The following BMPR1B variants were observed in gnomAD, a reference collection of about 807,000 sequenced individuals.
BMPR1B encodes the protein bone morphogenetic protein receptor type 1B.
BMPR1B carries 12 observed loss-of-function variants against 59.1 expected under a neutral mutation model. The observed-to-expected ratio is 0.20, with a 90% CI of 0.13 to 0.33. The LOEUF (loss-of-function observed/expected upper bound fraction) is 0.33, where lower values mean the gene tolerates loss of function less well. Ranked by LOEUF, BMPR1B falls within the 10% of genes least tolerant of loss-of-function variation. The pLI is 1.00. For synonymous variants in BMPR1B, 237 were observed against 207.3 expected, an observed-to-expected ratio of 1.14 and a Z score of -1.23; for missense variants, 550 against 610.9, an observed-to-expected ratio of 0.90 and a Z score of 1.05.
Position 95,127,812 on chromosome 4 carries a change from C to T in BMPR1B, c.586-2050C>T, listed in dbSNP as rs140723320. Reference sequence around the variant, plus strand: ...TCAGCAGTTCTTTTTTAATAAATTACGAAATTTATAATCTTCATTATAAAT... The same window carrying T: ...TCAGCAGTTCTTTTTTAATAAATTATGAAATTTATAATCTTCATTATAAAT... On this transcript the variant is annotated intron_variant, in intron 8 of 12. Coordinates refer to ENST00000515059, the MANE Select transcript of BMPR1B (RefSeq NM_001203.3). 6.4e-3 allele frequency among the ~76,000 whole-genome samples: 969 copies of T among 151,684 alleles called. 2 individuals carry two copies. Among genetic ancestry groups the T allele is most frequent in the Non-Finnish European group, 0.011 (725 of 67,950 alleles).
intron 1 of BMPR1B, among the ~76,000 whole-genome samples, chr4:94,875,448 G>A (rs1228693331): frequency 2.0e-5 from 3 of 152,172 alleles, no homozygotes; most frequent in Non-Finnish European, 2.9e-5. Flanking sequence ...ACTTTGGGAG[G>A]CCGAGGTGGG....
intron 1 of BMPR1B, among the ~76,000 whole-genome samples, chr4:94,769,995 C>G (rs1228117899): frequency 6.6e-6 from 1 of 152,148 alleles, no homozygotes; most frequent in Non-Finnish European, 1.5e-5. Flanking sequence ...ATTTCCTTAG[C>G]ACTCTGCTTT....
chr4:94,794,350 A>C (rs1208388716), intron 1 of BMPR1B, among the ~76,000 whole-genome samples: 1 of 151,652 alleles, frequency 6.6e-6, no homozygotes, highest in Admixed American at 6.6e-5. Context: ...GTTATTTCTG[A>C]GGGCTCTGTT....
At chr4:94,850,428 A>C (rs1012092575) in intron 1 of BMPR1B, among the ~76,000 whole-genome samples, 2 of 152,198 alleles carry the variant, frequency 1.3e-5, no homozygotes, top group Non-Finnish European at 2.9e-5. Context: ...CTTATTTTCA[A>C]AGTAGTAATG....
intron 2 of BMPR1B, among the ~76,000 whole-genome samples, chr4:94,915,528 G>T (rs1394978125): frequency 1.3e-5 from 2 of 152,110 alleles, no homozygotes; most frequent in African/African-American, 4.8e-5. Flanking sequence ...GAACAAAAGT[G>T]TTCAATTGGA....
chr4:94,937,385 A>G (rs1460910028), intron 2 of BMPR1B, among the ~76,000 whole-genome samples: 2 of 152,120 alleles, frequency 1.3e-5, no homozygotes, highest in African/African-American at 4.8e-5. Flanking sequence ...GTTTGTTTAC[A>G]TGGCTTTCTC....
chr4:95,102,139 C>G (rs183681426), intron 3 of BMPR1B, among the ~76,000 whole-genome samples: 29 of 152,256 alleles, frequency 1.9e-4, no homozygotes, highest in Admixed American at 1.3e-3. Flanking sequence ...TGTGAAGAAC[C>G]AAATTTTATA....
chr4:95,114,939 C>T (rs567400988), intron 5 of BMPR1B, 117 bp downstream of exon 5: 2 of 959,840 alleles, frequency 2.1e-6, no homozygotes, highest in South Asian at 1.3e-5. Context: ...TCATGAGCTG[C>T]ACAAAAACAT....
At chr4:94,773,681 T>G (rs1226585155) in intron 1 of BMPR1B, among the ~76,000 whole-genome samples, 1 of 152,056 alleles carries the variant, frequency 6.6e-6, no homozygotes, top group Non-Finnish European at 1.5e-5. Flanking sequence ...TTACCAGAGA[T>G]AAAAAATACG....
chr4:94,994,557 A>T (rs1194815842), intron 2 of BMPR1B, among the ~76,000 whole-genome samples: 2 of 152,180 alleles, frequency 1.3e-5, no homozygotes, highest in Non-Finnish European at 2.9e-5. Context: ...AAGAGTAGGA[A>T]CTATGTTTTA....
chr4:95,091,655 C>G (rs1157494764), intron 3 of BMPR1B: 2 of 984,360 alleles, frequency 2.0e-6, no homozygotes, highest in African/African-American at 3.5e-5. Flanking sequence ...CTTTATATCT[C>G]ACAGAGACTG....
chr4:94,823,811 G>A (rs1189270563), intron 1 of BMPR1B, among the ~76,000 whole-genome samples: 2 of 151,730 alleles, frequency 1.3e-5, no homozygotes, highest in African/African-American at 2.4e-5. Context: ...GCAGTGGCAT[G>A]ATTTTGGCTC....
intron 2 of BMPR1B, among the ~76,000 whole-genome samples, chr4:94,964,463 C>T (rs1291005176): frequency 6.6e-6 from 1 of 152,106 alleles, no homozygotes; most frequent in Admixed American, 6.6e-5. Context: ...ATAGGTTTGG[C>T]AAAGACTTTT....
At chr4:94,927,830 TAGAG>T (rs757099523) in intron 2 of BMPR1B, among the ~76,000 whole-genome samples, 1 of 152,088 alleles carries the variant, frequency 6.6e-6, no homozygotes, top group African/African-American at 2.4e-5. Context: ...GTTGCACAGA[TAGAG>T]ATAGTAAAGG....
chr4:94,760,116 G>GT (rs1213658432), intron 1 of BMPR1B, among the ~76,000 whole-genome samples: 1 of 152,134 alleles, frequency 6.6e-6, no homozygotes, highest in Non-Finnish European at 1.5e-5. Flanking sequence ...ACTGATTTGT[G>GT]TTTTTAAATC....
At chr4:94,769,346 C>T (rs932401395) in intron 1 of BMPR1B, among the ~76,000 whole-genome samples, 2 of 152,164 alleles carry the variant, frequency 1.3e-5, no homozygotes, top group African/African-American at 2.4e-5. Flanking sequence ...CGCGGTGGCT[C>T]ACGCCTGTAA....
intron 3 of BMPR1B, among the ~76,000 whole-genome samples, chr4:95,004,297 A>G (rs1191859840): frequency 6.6e-6 from 1 of 151,984 alleles, no homozygotes; most frequent in Non-Finnish European, 1.5e-5. Context: ...TCCTTGAATC[A>G]CTCTGCCCTT....
intron 3 of BMPR1B, among the ~76,000 whole-genome samples, chr4:95,005,941 A>G (rs939668882): frequency 3.3e-5 from 5 of 152,162 alleles, no homozygotes; most frequent in African/African-American, 1.2e-4. Context: ...TTTTATAATT[A>G]ATGGTAACGT....
intron 1 of BMPR1B, among the ~76,000 whole-genome samples, chr4:94,831,233 T>TAA (rs34088781): frequency 0.03 from 2,689 of 88,470 alleles, 84 homozygotes; most frequent in African/African-American, 0.076. Context: ...GTTTAAAAAG[T>TAA]AAAAAAAAAA....
Sources: gnomAD v4.1 joint callset for allele counts (sites outside exome capture counted in the v4.1 genomes callset) on GRCh38, gnomAD v4.1.1 for gene constraint, MANE v1.5 for transcripts, NCBI Gene and HGNC (gene_info 2026-07-23, HGNC 2026-07-21) for gene names.